JAZF1: variants seen among roughly 807,000 people sequenced by gnomAD.
The protein encoded by JAZF1 is juxtaposed with another zinc finger protein 1.
In JAZF1, 8 loss-of-function variants were observed where a neutral mutation model predicts 26.4. That is an observed-to-expected ratio of 0.30 (90% CI 0.18 to 0.55). The LOEUF (loss-of-function observed/expected upper bound fraction) is 0.55, where lower values mean the gene tolerates loss of function less well. JAZF1 is among the 20% of genes least tolerant of loss of function. The pLI is 0.94. For synonymous variants in JAZF1, 126 were observed against 122.3 expected (o/e 1.03, Z -0.20); for missense variants, 199 against 322.0 (o/e 0.62, Z 2.92).
intron 3 of JAZF1, among the ~76,000 whole-genome samples, chr7:27,860,797 A>C (rs938454055): frequency 6.6e-6 from 1 of 152,060 alleles, no homozygotes; most frequent in East Asian, 1.9e-4. Flanking sequence ...ATGGACTGTA[A>C]GCCTCCTCTC....
At position 27,971,878 on chromosome 7, in the gene JAZF1, T is replaced by C. The variant is rs532304766; in HGVS notation, c.188+20031A>G. Among the ~76,000 whole-genome samples the C allele has an allele frequency of 5.3e-5, 8 of 152,274 alleles. No homozygotes were observed. The South Asian group carries it at 1.5e-3, about 28-fold the overall frequency. ...TGCTATACAATCAGGTGTGAAAAGA[T>C]AGGAAATAGAAAGATTGGTAAGACA... On this transcript the variant is annotated intron_variant, in intron 2 of 4. Coordinates refer to ENST00000283928, the MANE Select transcript of JAZF1 (RefSeq NM_175061.4).
chr7:28,059,300 A>T (rs1783763280), intron 1 of JAZF1, among the ~76,000 whole-genome samples: 2 of 152,318 alleles, frequency 1.3e-5, no homozygotes, highest in South Asian at 4.1e-4. Flanking sequence ...GCACACTGCC[A>T]ACATTTTTTA....
At chr7:28,080,662 G>T (rs527291310) in intron 1 of JAZF1, among the ~76,000 whole-genome samples, 1 of 152,180 alleles carries the variant, frequency 6.6e-6, no homozygotes, top group African/African-American at 2.4e-5. Flanking sequence ...GAATAGGCAG[G>T]CTCAGGGAGA....
At chr7:27,837,273 T>A (rs986763110) in intron 4 of JAZF1, among the ~76,000 whole-genome samples, 3 of 152,234 alleles carry the variant, frequency 2.0e-5, no homozygotes, top group Non-Finnish European at 4.4e-5. Flanking sequence ...ATCTGCATTA[T>A]AAGGAAGGGA....
chr7:28,102,584 C>T (rs544547987), intron 1 of JAZF1, among the ~76,000 whole-genome samples: 7 of 60,530 alleles, frequency 1.2e-4, no homozygotes, highest in Non-Finnish European at 1.4e-4. Context: ...ATATTTAGCA[C>T]AAATTCATTT....
At chr7:28,002,273 G>T (rs1782612648) in intron 1 of JAZF1, among the ~76,000 whole-genome samples, 1 of 152,210 alleles carries the variant, frequency 6.6e-6, no homozygotes, top group African/African-American at 2.4e-5. Context: ...AGGTTGTGCT[G>T]CATTTGAAAC....
intron 1 of JAZF1, among the ~76,000 whole-genome samples, chr7:28,125,389 G>C (rs1488774718): frequency 6.6e-6 from 1 of 152,156 alleles, no homozygotes; most frequent in Non-Finnish European, 1.5e-5. Context: ...AAAAAGTGCA[G>C]CACAAGCAGC....
chr7:27,860,407 T>G (rs1783359024), intron 3 of JAZF1, among the ~76,000 whole-genome samples: 1 of 152,228 alleles, frequency 6.6e-6, no homozygotes, highest in African/African-American at 2.4e-5. Context: ...CACTGAGCCA[T>G]GGGATGAACC....
At chr7:27,997,737 T>G (rs1786044973) in intron 1 of JAZF1, among the ~76,000 whole-genome samples, 1 of 151,110 alleles carries the variant, frequency 6.6e-6, no homozygotes, top group Non-Finnish European at 1.5e-5. Flanking sequence ...CTGAGCAATA[T>G]TTCTACTTTT....
intron 4 of JAZF1, among the ~76,000 whole-genome samples, chr7:27,839,281 G>A (rs1424320305): frequency 6.6e-6 from 1 of 152,210 alleles, no homozygotes; most frequent in African/African-American, 2.4e-5. Context: ...TGGAGAGCAG[G>A]CAGCAAGACC....
chr7:27,882,314 T>C (rs2128339728), intron 3 of JAZF1, among the ~76,000 whole-genome samples: 1 of 152,234 alleles, frequency 6.6e-6, no homozygotes, highest in Middle Eastern at 3.4e-3. Context: ...CTTGTTTTTT[T>C]TTTTTAAACA....
intron 2 of JAZF1, among the ~76,000 whole-genome samples, chr7:27,924,140 G>A (rs555205408): frequency 3.9e-5 from 6 of 152,056 alleles, no homozygotes; most frequent in South Asian, 2.1e-4. Context: ...GTGCAGTGGC[G>A]CCATCTCGGC....
chr7:28,116,848 G>A (rs1384230574), intron 1 of JAZF1, among the ~76,000 whole-genome samples: 2 of 151,936 alleles, frequency 1.3e-5, no homozygotes, highest in Non-Finnish European at 2.9e-5. Flanking sequence ...TTTTGAGACA[G>A]AGTCTCGCTC....
chr7:28,115,172 A>T (rs968949412), intron 1 of JAZF1, among the ~76,000 whole-genome samples: 1 of 152,226 alleles, frequency 6.6e-6, no homozygotes, highest in Admixed American at 6.5e-5. Flanking sequence ...TGCACAAAAG[A>T]AGTAAAATGC....
chr7:27,962,179 A>C (rs1299697417), intron 2 of JAZF1, among the ~76,000 whole-genome samples: 1 of 152,214 alleles, frequency 6.6e-6, no homozygotes. Context: ...AATTTATTGA[A>C]TATTTACCAA....
At chr7:28,051,902 A>T (rs1427359122) in intron 1 of JAZF1, among the ~76,000 whole-genome samples, 2 of 152,244 alleles carry the variant, frequency 1.3e-5, no homozygotes, top group Non-Finnish European at 2.9e-5. Flanking sequence ...ATTTACTGAC[A>T]AACTAAACAT....
intron 2 of JAZF1, among the ~76,000 whole-genome samples, chr7:27,965,369 G>A (rs1489651740): frequency 1.3e-5 from 2 of 152,170 alleles, no homozygotes; most frequent in East Asian, 1.9e-4. Context: ...TTATAGTCAA[G>A]TTGTCTCACA....
At chr7:28,074,245 G>A (rs1348962408) in intron 1 of JAZF1, among the ~76,000 whole-genome samples, 1 of 152,178 alleles carries the variant, frequency 6.6e-6, no homozygotes, top group Admixed American at 6.5e-5. Context: ...TGTTTGTTGA[G>A]GTCACTGGAA....
intron 2 of JAZF1, among the ~76,000 whole-genome samples, chr7:27,912,801 A>G (rs2099615642): frequency 6.6e-6 from 1 of 152,116 alleles, no homozygotes; most frequent in Non-Finnish European, 1.5e-5. Flanking sequence ...TGGGAATTAA[A>G]ATGCAGAAAG....
Sources: gnomAD v4.1 joint callset for allele counts (sites outside exome capture counted in the v4.1 genomes callset) on GRCh38, gnomAD v4.1.1 for gene constraint, MANE v1.5 for transcripts, NCBI Gene and HGNC (gene_info 2026-07-23, HGNC 2026-07-21) for gene names.